The following IFT172 variants were observed in gnomAD, a reference collection of about 807,000 sequenced individuals.
IFT172 encodes the protein intraflagellar transport 172, also known as intraflagellar transport protein 172 homolog.
IFT172 carries 164 observed loss-of-function variants against 248.9 expected under a neutral mutation model. The observed-to-expected ratio is 0.66, with a 90% CI of 0.58 to 0.75. The LOEUF is 0.75. IFT172 is among the 30% of genes least tolerant of loss of function. IFT172 has a pLI of 0.00. For synonymous variants in IFT172, 729 were observed against 791.6 expected, an observed-to-expected ratio of 0.92 and a Z score of 1.33; for missense variants, 1,950 against 2,192.4, an observed-to-expected ratio of 0.89 and a Z score of 2.21.
In IFT172 at chr2:27,457,619, G is replaced by C. The variant is rs1221648813; in HGVS notation, c.3228+20C>G. 6.3e-7 allele frequency: 1 copy of C among 1,587,240 alleles called. No individual in the cohort carries two copies. The highest frequency in any genetic ancestry group is 1.7e-5 in the Admixed American group (1 of 59,914). On this transcript the variant is annotated intron_variant, in intron 29 of 47. Coordinates refer to ENST00000260570, the MANE Select transcript of IFT172 (RefSeq NM_015662.3). ...GAAAGAAGGATGGATGTATCCCTCA[G>C]TGTGGCCTGAACTCCTTACCCTGTA...
At position 27,449,000 on chromosome 2, in the gene IFT172, A is replaced by C; in HGVS notation, c.4343T>G (p.Leu1448Trp). 1 of 1,609,338 alleles carries C rather than the reference A, an allele frequency of 6.2e-7. No homozygotes were observed. The highest frequency in any genetic ancestry group is 8.5e-7 in the Non-Finnish European group (1 of 1,175,648). ...CTCCCGGATCAAGTGAGTTGCATAC[A>C]AAGCCACATACTTGTGCAGAATCTT... ...NYKILHKYVA[L>W]YATHLIREGS... The change falls in exon 40 of 48, where the codon TTG becomes TGG. Residue 1448 changes from leucine to tryptophan, a missense_variant. Leu to Trp is a moderately conservative substitution (Grantham distance 61, BLOSUM62 -2). Coordinates refer to ENST00000260570, the MANE Select transcript of IFT172 (RefSeq NM_015662.3).
intron 17 of IFT172, 44 bp downstream of exon 17, chr2:27,465,702 C>A (rs772297335): frequency 3.1e-6 from 5 of 1,612,866 alleles, no homozygotes; most frequent in Non-Finnish European, 4.2e-6. Context: ...CCTCTCAGAA[C>A]CAGACTCTCC....
In IFT172 at chr2:27,481,019, G is replaced by C. The variant is rs1376448202; in HGVS notation, c.785+27C>G. On this transcript the variant is annotated intron_variant, in intron 8 of 47. Transcript: ENST00000260570. ...AGAGTGTTCGCAGGGAAAGTAGGCA[G>C]TAGATAAAACTGGAAAGGGGACTTA... is the stretch of plus-strand genomic sequence containing the variant. The C allele has an allele frequency of 1.9e-6, 3 of 1,562,244 alleles. No homozygotes were observed. The African/African-American group carries it at 4.1e-5, about 21-fold the overall frequency.
intron 17 of IFT172, 69 bp from the exon 18 acceptor site, chr2:27,465,587 G>A: frequency 6.4e-7 from 1 of 1,552,574 alleles, no homozygotes; most frequent in Non-Finnish European, 8.9e-7. Flanking sequence ...GAAGACTGGT[G>A]ATGGGGCAAG....
In IFT172 at chr2:27,448,867, G is replaced by A. The variant is rs1465259595; in HGVS notation, c.4428+48C>T. On this transcript the variant is annotated intron_variant, in intron 40 of 47. Coordinates refer to ENST00000260570, the MANE Select transcript of IFT172 (RefSeq NM_015662.3). ...TGAGAAGATAGGTGGTTCTAGAGGAGAAAGAGCTTTCTTGTGGAAACATTC... is the reference window on the plus strand; with the variant it reads ...TGAGAAGATAGGTGGTTCTAGAGGAAAAAGAGCTTTCTTGTGGAAACATTC... The A allele has an allele frequency of 6.6e-6, 6 of 908,466 alleles. No homozygotes were observed. The African/African-American group carries it at 8.1e-5, about 12-fold the overall frequency. The allele number at this position is 908,466 out of a possible 1,614,324, so 56.3% of individuals were successfully genotyped here. A position where few individuals can be genotyped will look rare whatever the true frequency, so the allele number is the denominator to read the frequency against.
chr2:27,483,259 C>G, intron 7 of IFT172, 30 bp downstream of exon 7: 1 of 1,301,100 alleles, frequency 7.7e-7, no homozygotes. Flanking sequence ...TCAAGCAATC[C>G]AAGCCTCCCA....
At position 27,465,453 on chromosome 2, in the gene IFT172, C is replaced by T; in HGVS notation, c.1895G>A (p.Ser632Asn). 6.2e-7 allele frequency: 1 copy of T among 1,614,170 alleles called. No individual in the cohort carries two copies. Among genetic ancestry groups the T allele is most frequent in the Non-Finnish European group, 8.5e-7 (1 of 1,180,036 alleles). The change falls in exon 18 of 48, where the codon AGT becomes AAT. Residue 632 changes from serine (S) to asparagine (N), a missense_variant. By Grantham distance (46) the Ser-to-Asn change is conservative (BLOSUM62 1). Around this residue, in one of 3 missense-constraint regions of IFT172, gnomAD observed 1,166 missense variants for 1,254.1 expected, o/e 0.93. Transcript: ENST00000260570. ...TTGCCTTGCCTCTAGTGCCAGTTTA[C>T]TCAAGGTTTTCCACATTGCCTCTGT... The part of the protein sequence containing the change: ...PETEAMWKTL[S>N]KLALEARQLH...
chr2:27,471,630 T>G (rs545905355), intron 15 of IFT172: 1 of 163,264 alleles, frequency 6.1e-6, no homozygotes, highest in African/African-American at 2.4e-5. Context: ...GGAGGAGGAA[T>G]GCAGGGTTAA....
At chr2:27,473,184 T>C (rs991232208) in intron 14 of IFT172, among the ~76,000 whole-genome samples, 7 of 151,354 alleles carry the variant, frequency 4.6e-5, no homozygotes, top group Non-Finnish European at 8.8e-5. Flanking sequence ...CTGGCCAACA[T>C]GGTGAAACCC....
chr2:27,448,963 G>C lies in IFT172; in HGVS notation c.4380C>G (p.Ala1460=). 4 of 1,611,896 alleles carry C rather than the reference G, an allele frequency of 2.5e-6. No individual in the cohort carries two copies. The highest frequency in any genetic ancestry group is 3.4e-6 in the Non-Finnish European group (4 of 1,177,938). Reference sequence around the variant, plus strand: ...GCTGTACATACAGGGCCAATGCCTGGGCAGAGCTACCCTCCCGGATCAAGT... The same window carrying C: ...GCTGTACATACAGGGCCAATGCCTGCGCAGAGCTACCCTCCCGGATCAAGT... ...ATHLIREGSS[A]QALALYVQHG... is the part of the protein sequence containing the mutation. The change falls in exon 40 of 48, where the codon GCC becomes GCG. Residue 1460 remains alanine, a synonymous_variant. Coordinates refer to ENST00000260570, the MANE Select transcript of IFT172 (RefSeq NM_015662.3).
intron 1 of IFT172, among the ~76,000 whole-genome samples, chr2:27,488,973 C>T (rs1668965166): frequency 6.6e-6 from 1 of 152,190 alleles, no homozygotes. Flanking sequence ...ACCCGGGAGG[C>T]GGAGGTTGCA....
At chr2:27,468,580 T>C (rs867652224) in intron 16 of IFT172, among the ~76,000 whole-genome samples, 5 of 152,042 alleles carry the variant, frequency 3.3e-5, no homozygotes, top group South Asian at 2.1e-4. Flanking sequence ...CCAGGCACGA[T>C]GGTTAACGCC....
rs1042767237 is a variant in IFT172, at chr2:27,464,532, T to G, written c.1937+879A>C. Among the ~76,000 whole-genome samples, 8 of 152,198 alleles carry G rather than the reference T, an allele frequency of 5.3e-5. 1 individual carries two copies. The South Asian group carries it at 1.7e-3, about 32-fold the overall frequency. ...CCTGGATTATACACATATGCATAGA[T>G]TGAAGGGTATGAATAGTAAAAAAAT... On this transcript the variant is annotated intron_variant, in intron 18 of 47. Transcript: ENST00000260570.
chr2:27,458,312 ACTCTCC>A, intron 26 of IFT172, 89 bp from the exon 27 acceptor site: 2 of 1,059,666 alleles, frequency 1.9e-6, no homozygotes, highest in Non-Finnish European at 2.9e-6. Flanking sequence ...GAAACTCTGA[ACTCTCC>A]CAACAATCAC....
chr2:27,467,418 GAAAAAAAAAAAAA>G (rs34115935), intron 16 of IFT172, among the ~76,000 whole-genome samples: 33 of 16,428 alleles, frequency 2.0e-3, no homozygotes, highest in Middle Eastern at 0.1. Context: ...ACAGAAAATT[GAAAAAAAAAAAAA>G]AAAAAAAAAA....
chr2:27,481,011 A>G (rs1558410616), intron 8 of IFT172, 35 bp downstream of exon 8: 7 of 1,531,918 alleles, frequency 4.6e-6, no homozygotes, highest in South Asian at 3.4e-5. Context: ...TCGCAGGGAA[A>G]GTAGGCAGTA....
chr2:27,463,028 C>T, intron 19 of IFT172, 69 bp downstream of exon 19: 1 of 1,541,592 alleles, frequency 6.5e-7, no homozygotes, highest in Non-Finnish European at 9.0e-7. Flanking sequence ...AGCTAGGAAT[C>T]ATGGGGCTGA....
chr2:27,453,727 A>G lies in IFT172; in HGVS notation c.3724T>C (p.Trp1242Arg). Residue 1242 changes from tryptophan to arginine, a missense_variant, in exon 34 of 48, where the codon TGG (tryptophan) becomes CGG (arginine). Physicochemically the swap from Trp to Arg is moderately radical, Grantham distance 101. Transcript: ENST00000260570. ...TTGCAGATGCGCAGAGCGTCACTCC[A>G]TAATCCAGCCTCCTGCTCAGATTTC... ...ALNYYKEAGL[W>R]SDALRICKDY... 1 of 1,611,588 alleles carries G rather than the reference A, an allele frequency of 6.2e-7. No homozygotes were observed. The highest frequency in any genetic ancestry group is 8.5e-7 in the Non-Finnish European group (1 of 1,179,470).
At chr2:27,481,482 TAGGGGTTGACCTTGTGCTCTAGAAAA>T (rs1668368245) in intron 7 of IFT172, among the ~76,000 whole-genome samples, 1 of 150,646 alleles carries the variant, frequency 6.6e-6, no homozygotes, top group Admixed American at 6.6e-5. Context: ...CCTATACACA[TAGGGGTTGACCTTGTGCTCTAGAAAA>T]ACCTCAAAAT....
Sources: allele counts gnomAD v4.1 joint callset (sites outside exome capture counted in the v4.1 genomes callset), GRCh38; gene constraint gnomAD v4.1.1; regional missense constraint gnomAD v4.1.1; transcripts MANE v1.5; gene names NCBI Gene and HGNC (gene_info 2026-07-23, HGNC 2026-07-21).